The following FHIT variants were observed in gnomAD, a reference collection of about 807,000 sequenced individuals.
FHIT encodes the protein bis(5'-adenosyl)-triphosphatase.
FHIT carries 19 observed loss-of-function variants against 17.9 expected under a neutral mutation model. That is an observed-to-expected ratio of 1.06 (90% CI 0.74 to 1.56). FHIT has a LOEUF of 1.56. Ranked by LOEUF, FHIT falls within the 40% of genes most tolerant of loss-of-function variation. The pLI is 0.00. For missense variants in FHIT, 248 were observed against 189.2 expected, an observed-to-expected ratio of 1.31 and a Z score of -1.82; for synonymous variants, 81 against 69.7, an observed-to-expected ratio of 1.16 and a Z score of -0.81.
intron 3 of FHIT, among the ~76,000 whole-genome samples, chr3:61,036,237 C>T (rs1173673152): frequency 1.3e-5 from 2 of 152,080 alleles, no homozygotes; most frequent in Non-Finnish European, 2.9e-5. Context: ...CACCTTTGAA[C>T]AGCCAGATCT....
intron 5 of FHIT, among the ~76,000 whole-genome samples, chr3:60,198,394 A>G (rs1484804280): frequency 6.6e-6 from 1 of 152,236 alleles, no homozygotes; most frequent in Non-Finnish European, 1.5e-5. Context: ...ATGTGATTAC[A>G]GAGTAAATTA....
intron 2 of FHIT, among the ~76,000 whole-genome samples, chr3:61,100,105 C>G (rs969103029): frequency 1.3e-5 from 2 of 151,954 alleles, no homozygotes; most frequent in African/African-American, 4.8e-5. Context: ...TACATGTGCA[C>G]AATGTGCAGG....
At chr3:59,782,554 T>C (rs1427799566) in intron 8 of FHIT, among the ~76,000 whole-genome samples, 1 of 152,188 alleles carries the variant, frequency 6.6e-6, no homozygotes, top group African/African-American at 2.4e-5. Context: ...AGTATCTCAG[T>C]GGACTGGAAG....
Position 60,424,446 on chromosome 3 carries a change from A to T in FHIT, c.103+112414T>A, listed in dbSNP as rs146147427. 3.3e-5 allele frequency among the ~76,000 whole-genome samples: 5 copies of T among 152,294 alleles called. No homozygotes were observed. In the East Asian group the frequency reaches 9.7e-4, roughly 29 times the overall value. ...ACAAAATGTATTTCTTGAAGAGCTT[A>T]CAAAGCTAAAGTCAGAAATGCATCT... is the stretch of plus-strand genomic sequence containing the variant. On this transcript the variant is annotated intron_variant, in intron 5 of 9. Coordinates refer to ENST00000492590, the MANE Select transcript of FHIT (RefSeq NM_002012.4).
At chr3:60,391,937 TTTTC>T (rs896134783) in intron 5 of FHIT, among the ~76,000 whole-genome samples, 19 of 152,238 alleles carry the variant, frequency 1.2e-4, no homozygotes, top group African/African-American at 4.6e-4. Context: ...TTTCTTCTTT[TTTTC>T]TTTTTTTAAT....
At chr3:59,764,032 A>C (rs557619021) in intron 8 of FHIT, among the ~76,000 whole-genome samples, 2 of 152,324 alleles carry the variant, frequency 1.3e-5, no homozygotes, top group Middle Eastern at 3.4e-3. Flanking sequence ...AGTGAGCTGA[A>C]GGTAGAAAGG....
In FHIT at chr3:60,507,195, T is replaced by C. The variant is rs571089820; in HGVS notation, c.103+29665A>G. ...AGAAGAAGGGATACGTGAGTTGGCA[T>C]TGGTAGAATGAACAGGAGTTAGCAA... On this transcript the variant is annotated intron_variant, in intron 5 of 9. Transcript: ENST00000492590. Among the ~76,000 whole-genome samples the C allele has an allele frequency of 1.3e-4, 20 of 152,242 alleles. No individual in the cohort carries two copies. In the Middle Eastern group the frequency reaches 0.014, roughly 104 times the overall value.
chr3:60,256,273 T>A (rs766704905), intron 5 of FHIT, among the ~76,000 whole-genome samples: 8 of 152,210 alleles, frequency 5.3e-5, no homozygotes, highest in Non-Finnish European at 1.2e-4. Context: ...TTTAATTTCA[T>A]TGCAGCATTG....
chr3:59,767,260 A>T (rs1489816563), intron 8 of FHIT, among the ~76,000 whole-genome samples: 1 of 152,178 alleles, frequency 6.6e-6, no homozygotes, highest in Non-Finnish European at 1.5e-5. Context: ...GCACTTTCGG[A>T]GGCTGAGGCA....
chr3:60,366,692 C>T lies in FHIT; in HGVS notation c.103+170168G>A, dbSNP rs1032457023. On this transcript the variant is annotated intron_variant, in intron 5 of 9. Transcript: ENST00000492590. ...TCCGCTCCCCTGCCATGAGATTAAC[C>T]TCACCAGATGCTGACATCATGGTCT... Among the ~76,000 whole-genome samples the T allele has an allele frequency of 3.9e-5, 6 of 152,310 alleles. No homozygotes were observed. The East Asian group carries it at 9.7e-4, about 25-fold the overall frequency.
intron 4 of FHIT, among the ~76,000 whole-genome samples, chr3:60,797,418 A>T (rs1387751895): frequency 6.6e-6 from 1 of 151,806 alleles, no homozygotes; most frequent in African/African-American, 2.4e-5. Context: ...AGAGAAATTA[A>T]TTCATGATTA....
intron 5 of FHIT, among the ~76,000 whole-genome samples, chr3:60,464,161 G>A (rs1406770137): frequency 6.6e-6 from 1 of 152,092 alleles, no homozygotes; most frequent in Non-Finnish European, 1.5e-5. Flanking sequence ...TTGCTCAAAA[G>A]GCTTGACTCA....
intron 5 of FHIT, among the ~76,000 whole-genome samples, chr3:60,384,682 CTACAGAAAATCAT>C (rs6147840): frequency 0.37 from 56,481 of 151,190 alleles, 11,128 homozygotes; most frequent in Admixed American, 0.5. Context: ...TTGTGAATCA[CTACAGAAAATCAT>C]TACAAAATCT....
chr3:59,965,782 A>G (rs1043975455), intron 7 of FHIT, among the ~76,000 whole-genome samples: 1 of 152,216 alleles, frequency 6.6e-6, no homozygotes, highest in African/African-American at 2.4e-5. Context: ...AAAACTAACT[A>G]TAAATATTTA....
intron 2 of FHIT, among the ~76,000 whole-genome samples, chr3:61,149,312 G>A (rs1231753929): frequency 6.6e-6 from 1 of 151,964 alleles, no homozygotes; most frequent in Non-Finnish European, 1.5e-5. Flanking sequence ...ATGTTGCTAA[G>A]GATCATGCCT....
chr3:60,978,415 CT>C (rs146689080), intron 3 of FHIT, among the ~76,000 whole-genome samples: 2,208 of 152,304 alleles, frequency 0.014, 50 homozygotes, highest in African/African-American at 0.05. Flanking sequence ...CAGGGTTAGT[CT>C]TTGAGCCTGG....
chr3:60,727,871 G>A (rs1396765651), intron 4 of FHIT, among the ~76,000 whole-genome samples: 1 of 152,150 alleles, frequency 6.6e-6, no homozygotes, highest in Non-Finnish European at 1.5e-5. Context: ...GGGCATGGTG[G>A]CGGGTGCCTG....
intron 4 of FHIT, among the ~76,000 whole-genome samples, chr3:60,701,888 T>A (rs923424445): frequency 7.2e-5 from 11 of 152,218 alleles, no homozygotes; most frequent in African/African-American, 2.7e-4. Flanking sequence ...CAAAAGTTAG[T>A]TCAGCCTACA....
intron 4 of FHIT, among the ~76,000 whole-genome samples, chr3:60,612,548 A>G (rs1576970223): frequency 6.6e-6 from 1 of 152,202 alleles, no homozygotes; most frequent in Non-Finnish European, 1.5e-5. Flanking sequence ...AATTTAGGGG[A>G]AAAGGTATAT....
Sources: gnomAD v4.1 joint callset for allele counts (sites outside exome capture counted in the v4.1 genomes callset) on GRCh38, gnomAD v4.1.1 for gene constraint, MANE v1.5 for transcripts, NCBI Gene and HGNC (gene_info 2026-07-23, HGNC 2026-07-21) for gene names.